The following PCDHA5 variants were observed in gnomAD, a reference collection of about 807,000 sequenced individuals.
PCDHA5 encodes the protein protocadherin alpha-5.
A neutral mutation model predicts 61.6 loss-of-function variants in PCDHA5; 43 were observed. The ratio of observed to expected loss-of-function variants is 0.70; its 90% CI spans 0.55 to 0.90. The LOEUF is 0.90. PCDHA5 is among the 40% of genes least tolerant of loss of function. The pLI is 0.00. For synonymous variants in PCDHA5, 627 were observed against 543.9 expected (o/e 1.15, Z -2.13); for missense variants, 1,298 against 1,222.7 (o/e 1.06, Z -0.92).
intron 1 of PCDHA5, chr5:140,850,407 G>C: frequency 6.3e-7 from 1 of 1,597,938 alleles, no homozygotes; most frequent in Non-Finnish European, 8.6e-7. Context: ...GCGTGCCCTG[G>C]ACGAAACGGA....
At chr5:140,917,305 C>T (rs1554197951) in intron 1 of PCDHA5, among the ~76,000 whole-genome samples, 1 of 137,094 alleles carries the variant, frequency 7.3e-6, no homozygotes, top group African/African-American at 2.7e-5. Flanking sequence ...ATAGTTGTTA[C>T]AATTTGGTGT....
In PCDHA5 at chr5:140,843,257, C is replaced by G. The variant is rs146582216; in HGVS notation, c.2352+19130C>G. 40 of 1,595,938 alleles carry G rather than the reference C, an allele frequency of 2.5e-5. 2 individuals carry two copies. The highest frequency in any genetic ancestry group is 3.2e-5 in the Non-Finnish European group (37 of 1,165,610). On this transcript the variant is annotated intron_variant, in intron 1 of 3. Coordinates refer to ENST00000529859, the MANE Select transcript of PCDHA5 (RefSeq NM_018908.3). The stretch of plus-strand genomic sequence containing the variant: ...GGACGAAGCGGACTCTCCGCGCCAC[C>G]GTCTGCTGGTCCTGGTGAAGGATCA...
chr5:140,823,995 C>T lies in PCDHA5; in HGVS notation c.2220C>T (p.Cys740=). ...CACGGGGCAAGCCCACTCTGTTGTG[C>T]TCCAGCGCGGTGGGGAGCTGGTCGT... The part of the protein sequence containing the change: ...VCTRGKPTLL[C]SSAVGSWSYS... The change falls in exon 1 of 4, where the codon TGC becomes TGT. Residue 740 remains cysteine (C), a synonymous_variant. Coordinates refer to ENST00000529859, the MANE Select transcript of PCDHA5 (RefSeq NM_018908.3). 6.2e-7 allele frequency: 1 copy of T among 1,614,158 alleles called. No individual in the cohort carries two copies. The highest frequency in any genetic ancestry group is 1.7e-5 in the Admixed American group (1 of 60,026).
rs781970996 is a variant in PCDHA5 at position 140,869,968 on chromosome 5, A to AT, written c.2352+45841_2352+45842insT. 5 of 1,613,220 alleles carry AT rather than the reference A, an allele frequency of 3.1e-6. No homozygotes were observed. The South Asian group carries it at 5.5e-5, about 18-fold the overall frequency. On this transcript the variant is annotated intron_variant, in intron 1 of 3. Coordinates refer to ENST00000529859, the MANE Select transcript of PCDHA5 (RefSeq NM_018908.3). ...CTTAATGTCAATTAAGCCCAATGGA[A>AT]GACACTTATTTACACTAGATCAAAA...
chr5:140,835,566 T>G, intron 1 of PCDHA5: 1 of 1,613,930 alleles, frequency 6.2e-7, no homozygotes, highest in African/African-American at 1.3e-5. Flanking sequence ...CCGCGTTCCC[T>G]TCAAGTTGGT....
Position 140,843,361 on chromosome 5 carries a change from G to A in PCDHA5, c.2352+19234G>A, listed in dbSNP as rs2150358294. On this transcript the variant is annotated intron_variant, in intron 1 of 3. Transcript: ENST00000529859. ...GCGGCCAGGCTCCAAAAGCGTCATC[G>A]AGGCAGTCGGCTGGCGTTTTGGGTC... 3.8e-6 allele frequency: 6 copies of A among 1,596,046 alleles called. No individual in the cohort carries two copies. In the South Asian group the frequency reaches 5.5e-5, roughly 15 times the overall value.
intron 3 of PCDHA5, among the ~76,000 whole-genome samples, chr5:141,007,395 C>CAAA (rs35800918): frequency 7.4e-5 from 7 of 94,852 alleles, no homozygotes; most frequent in Non-Finnish European, 1.2e-4. Flanking sequence ...TACTAAAATA[C>CAAA]AAAAAAAAAA....
intron 3 of PCDHA5, among the ~76,000 whole-genome samples, chr5:141,000,401 A>ATT (rs2097917579): frequency 1.3e-5 from 1 of 76,232 alleles, no homozygotes; most frequent in Non-Finnish European, 2.5e-5. Flanking sequence ...CTCTCTATAT[A>ATT]TATATATATA....
intron 1 of PCDHA5, chr5:140,868,008 G>C (rs953372223): frequency 2.2e-4 from 34 of 152,046 alleles, no homozygotes; most frequent in African/African-American, 7.7e-4. Context: ...AACTGAATTA[G>C]ATTAAGGAAA....
chr5:140,876,342 A>C, intron 1 of PCDHA5: 1 of 1,614,042 alleles, frequency 6.2e-7, no homozygotes, highest in Non-Finnish European at 8.5e-7. Flanking sequence ...TGAGTGAGAA[A>C]TGTATGTTTT....
chr5:140,927,482 C>G, intron 1 of PCDHA5: 1 of 1,614,086 alleles, frequency 6.2e-7, no homozygotes, highest in Non-Finnish European at 8.5e-7. Flanking sequence ...GAACAGCGCG[C>G]CACCCACCTG....
rs146253628 is a variant in PCDHA5 at position 140,848,781 on chromosome 5, T to G, written c.2352+24654T>G. On this transcript the variant is annotated intron_variant, in intron 1 of 3. Coordinates refer to ENST00000529859, the MANE Select transcript of PCDHA5 (RefSeq NM_018908.3). ...TTCTCGGATCGACCGCGAGGAGCTG[T>G]GCGGGCGGAGCGCGGAGTGCAGCAT... 4,068 of 1,593,236 alleles carry G rather than the reference T, an allele frequency of 2.6e-3. 389 individuals are homozygous for G. The highest frequency in any genetic ancestry group is 3.0e-3 in the Non-Finnish European group (3,446 of 1,164,036).
chr5:140,954,225 A>C (rs1554221300), intron 1 of PCDHA5, among the ~76,000 whole-genome samples: 2 of 152,242 alleles, frequency 1.3e-5, no homozygotes, highest in African/African-American at 4.8e-5. Context: ...TGCTATTGTG[A>C]ATAGTGCTGC....
intron 1 of PCDHA5, chr5:140,850,778 C>G (rs371734141): frequency 6.3e-7 from 1 of 1,597,940 alleles, no homozygotes; most frequent in Non-Finnish European, 8.6e-7. Context: ...TGTGCTCTGG[C>G]GAGGGTAAGC....
Position 140,936,624 on chromosome 5 carries a change from C to T in PCDHA5, c.2353-42325C>T, listed in dbSNP as rs186958884. On this transcript the variant is annotated intron_variant, in intron 1 of 3. Coordinates refer to ENST00000529859, the MANE Select transcript of PCDHA5 (RefSeq NM_018908.3). Reference sequence around the variant, plus strand: ...TCCTCGCTGCTACTGTGCAGTGCTACCTTTGTCATAAGCAACGTGACTTTA... The same window carrying T: ...TCCTCGCTGCTACTGTGCAGTGCTATCTTTGTCATAAGCAACGTGACTTTA... 2.3e-3 allele frequency among the ~76,000 whole-genome samples: 345 copies of T among 152,302 alleles called. 2 individuals are homozygous for T. Among genetic ancestry groups the T allele is most frequent in the South Asian group, 2.5e-3 (12 of 4,824 alleles).
Position 140,823,676 on chromosome 5 carries a change from G to T in PCDHA5, c.1901G>T (p.Arg634Leu). 1.2e-5 allele frequency: 19 copies of T among 1,614,042 alleles called. No homozygotes were observed. Among genetic ancestry groups the T allele is most frequent in the Admixed American group, 1.7e-5 (1 of 60,032 alleles). The stretch of plus-strand genomic sequence containing the variant: ...TACACAGGCGAGATCAGCACAACAC[G>T]CTCTCTGGATGAGACCGAAGCACCG... Reference protein sequence around the residue: ...GLYTGEISTTRSLDETEAPRH... With the variant: ...GLYTGEISTTLSLDETEAPRH... Residue 634 changes from arginine (R) to leucine (L), a missense_variant, in exon 1 of 4, where the codon CGC becomes CTC. By Grantham distance (102) the Arg-to-Leu change is moderately radical (BLOSUM62 -2). Coordinates refer to ENST00000529859, the MANE Select transcript of PCDHA5 (RefSeq NM_018908.3).
At chr5:140,989,315 C>T (rs1285439327) in intron 3 of PCDHA5, among the ~76,000 whole-genome samples, 1 of 152,130 alleles carries the variant, frequency 6.6e-6, no homozygotes, top group East Asian at 1.9e-4. Flanking sequence ...AGTAGGGTCT[C>T]ACCAACTTTG....
At chr5:140,995,410 T>C (rs555899259) in intron 3 of PCDHA5, among the ~76,000 whole-genome samples, 1 of 152,310 alleles carries the variant, frequency 6.6e-6, no homozygotes, top group Non-Finnish European at 1.5e-5. Flanking sequence ...CGAGATTTCA[T>C]CACATTACTC....
At position 140,999,623 on chromosome 5, in the gene PCDHA5, A is replaced by G. The variant is rs188539860; in HGVS notation, c.2501-10004A>G. ...CCTGGGGGACCTTATCAACCAGGAAACAAGGTAGAGAAAACTGTGCAGCCT... is the reference window on the plus strand; with the variant it reads ...CCTGGGGGACCTTATCAACCAGGAAGCAAGGTAGAGAAAACTGTGCAGCCT... On this transcript the variant is annotated intron_variant, in intron 3 of 3. Transcript: ENST00000529859. Among the ~76,000 whole-genome samples the G allele has an allele frequency of 1.3e-4, 20 of 152,330 alleles. No individual in the cohort carries two copies. In the East Asian group the frequency reaches 3.9e-3, roughly 29 times the overall value.
Sources: gnomAD v4.1 joint callset for allele counts (sites outside exome capture counted in the v4.1 genomes callset) on GRCh38, gnomAD v4.1.1 for gene constraint, MANE v1.5 for transcripts, NCBI Gene and HGNC (gene_info 2026-07-23, HGNC 2026-07-21) for gene names.